PCNX3: variants seen among roughly 807,000 people sequenced by gnomAD.
PCNX3 encodes the protein pecanex 3.
In PCNX3, 58 loss-of-function variants were observed where a neutral mutation model predicts 207.2. That is an observed-to-expected ratio of 0.28 (90% CI 0.23 to 0.35). The LOEUF (loss-of-function observed/expected upper bound fraction) is 0.35, where lower values mean the gene tolerates loss of function less well. PCNX3 is among the 10% of genes least tolerant of loss of function. The pLI, the probability that PCNX3 is intolerant of heterozygous loss-of-function variation, is 1.00. For missense variants in PCNX3, 2,410 were observed against 2,774.4 expected (o/e 0.87, Z 2.95); for synonymous variants, 1,337 against 1,183.5 (o/e 1.13, Z -2.66).
At chr11:65,632,424 G>A (rs570637576) in intron 27 of PCNX3, among the ~76,000 whole-genome samples, 121 of 150,914 alleles carry the variant, frequency 8.0e-4, no homozygotes, top group African/African-American at 2.1e-3. Flanking sequence ...AGCCCCTCCC[G>A]TTAGCTTTGC....
Position 65,620,885 on chromosome 11 carries a change from A to T in PCNX3, c.2154A>T (p.Thr718=). ...SFHSADVPEA[T]GGLNLLQPRP... ...ACTCGGCTGATGTCCCTGAGGCTAC[A>T]GGCGGCCTGAACCTGCTGCAGCCGA... The change falls in exon 10 of 35, where the codon ACA becomes ACT. Residue 718 remains threonine, a synonymous_variant. Transcript: ENST00000355703. 6.3e-7 allele frequency: 1 copy of T among 1,578,040 alleles called. No homozygotes were observed. The highest frequency in any genetic ancestry group is 8.6e-7 in the Non-Finnish European group (1 of 1,162,652).
intron 11 of PCNX3, among the ~76,000 whole-genome samples, chr11:65,622,766 T>C (rs1254546492): frequency 6.6e-6 from 1 of 151,820 alleles, no homozygotes; most frequent in Non-Finnish European, 1.5e-5. Flanking sequence ...TGGCTAATTT[T>C]TGTATTTTTT....
At chr11:65,621,022 C>A (rs1052424820) in intron 10 of PCNX3, 56 bp downstream of exon 10, 2 of 1,484,274 alleles carry the variant, frequency 1.3e-6, no homozygotes, top group African/African-American at 1.4e-5. Context: ...GCGGGCAGAT[C>A]ACTGAGTCCG....
At position 65,618,637 on chromosome 11, in the gene PCNX3, T is replaced by C. The variant is rs777120018; in HGVS notation, c.1275T>C (p.Ser425=). 1.2e-6 allele frequency: 2 copies of C among 1,612,924 alleles called. No homozygotes were observed. The highest frequency in any genetic ancestry group is 1.7e-6 in the Non-Finnish European group (2 of 1,179,832). The change falls in exon 6 of 35, where the codon AGT becomes AGC. Residue 425 remains serine, a synonymous_variant. Transcript: ENST00000355703. ...GCTTCTTTGAGGATGAAGACACTAG[T>C]GAGGGCAGTGAACTGAGCCCGGCCT... The part of the protein sequence containing the change: ...GGGFFEDEDT[S]EGSELSPASS...
chr11:65,622,164 G>T (rs571255222), intron 10 of PCNX3, 81 bp from the exon 11 acceptor site: 266 of 1,507,758 alleles, frequency 1.8e-4, no homozygotes, highest in Non-Finnish European at 2.1e-4. Context: ...TAGACCATGT[G>T]GGGGGTGGCG....
chr11:65,620,015 C>T (rs1000580499), intron 8 of PCNX3, 83 bp downstream of exon 8: 10 of 1,398,038 alleles, frequency 7.2e-6, no homozygotes, highest in African/African-American at 1.4e-5. Flanking sequence ...GGTGCTCGCT[C>T]GGCCCTGTGG....
At chr11:65,633,589 G>A in intron 27 of PCNX3, among the ~76,000 whole-genome samples, 1 of 152,250 alleles carries the variant, frequency 6.6e-6, no homozygotes. Context: ...TCGGGGTTAT[G>A]TTTGTGCAGG....
chr11:65,628,777 T>TGGGGGGGGGGGGGGGGGCCG, intron 23 of PCNX3, 42 bp from the exon 24 acceptor site: 5 of 1,490,262 alleles, frequency 3.4e-6, no homozygotes, highest in East Asian at 5.5e-5. Context: ...GGTGGGGGGC[T>TGGGGGGGGGGGGGGGGGCCG]GGGAGGTCCT....
At position 65,626,890 on chromosome 11, in the gene PCNX3, G is replaced by T. The variant is rs767685558; in HGVS notation, c.3380-14G>T. 3.2e-6 allele frequency: 5 copies of T among 1,578,678 alleles called. No individual in the cohort carries two copies. In the Admixed American group the frequency reaches 5.5e-5, roughly 17 times the overall value. Reference sequence around the variant, plus strand: ...TGTGGAAGCCAGGTGCAGAGTCCTGGCCTCTCCACACAGGTGCCGCCCAGG... The same window carrying T: ...TGTGGAAGCCAGGTGCAGAGTCCTGTCCTCTCCACACAGGTGCCGCCCAGG... On this transcript the variant is annotated splice_polypyrimidine_tract_variant and intron_variant, in intron 20 of 34. Transcript: ENST00000355703.
Position 65,634,306 on chromosome 11 carries a change from T to A in PCNX3, c.4651T>A (p.Cys1551Ser), listed in dbSNP as rs1373450520. Residue 1551 changes from cysteine to serine, a missense_variant, in exon 28 of 35, where the codon TGT becomes AGT. By Grantham distance (112) the Cys-to-Ser change is moderately radical (BLOSUM62 -1). Transcript: ENST00000355703. ...GTCTGGCCTCTCGCTGCCCTCCTTT[T>A]GTGCTGTGCACCTCGAGTGGATCCA... Reference protein sequence around the residue: ...RLSGLSLPSFCAVHLEWIQYC... With the variant: ...RLSGLSLPSFSAVHLEWIQYC... 1.9e-6 allele frequency: 3 copies of A among 1,608,624 alleles called. No individual in the cohort carries two copies. The African/African-American group carries it at 4.0e-5, about 21-fold the overall frequency.
At chr11:65,617,436 T>G (rs1449476309) in intron 3 of PCNX3, 34 bp from the exon 4 acceptor site, 1 of 1,613,878 alleles carries the variant, frequency 6.2e-7, no homozygotes, top group South Asian at 1.1e-5. Context: ...ACTTCTTGCC[T>G]TGTTTGTTCC....
chr11:65,633,952 G>A, intron 27 of PCNX3, 174 bp from the exon 28 acceptor site: 1 of 638,634 alleles, frequency 1.6e-6, no homozygotes, highest in Non-Finnish European at 2.7e-6. Flanking sequence ...CCTGGTCTAG[G>A]GGAAGGAGCC....
intron 22 of PCNX3, 50 bp downstream of exon 22, chr11:65,627,632 G>A (rs371546707): frequency 1.3e-6 from 2 of 1,580,050 alleles, no homozygotes; most frequent in African/African-American, 1.3e-5. Flanking sequence ...TGGGAGCAGA[G>A]CCAACTTCTG....
rs1298979755 is a variant in PCNX3 at position 65,624,702 on chromosome 11, G to A, written c.2827+121G>A. On this transcript the variant is annotated intron_variant, in intron 15 of 34. Transcript: ENST00000355703. ...TCCTGCGTCTGTACTGCAGACTCAA[G>A]GTTTCTGCCTTCTCCCCTCTCCTTC... The A allele has an allele frequency of 9.7e-6, 10 of 1,026,176 alleles. No homozygotes were observed. In the Admixed American group the frequency reaches 2.4e-4, roughly 25 times the overall value. 63.6% of individuals were successfully genotyped at this position (1,026,176 alleles called of 1,614,324 possible). A position where few individuals can be genotyped will look rare whatever the true frequency, so the allele number is the denominator to read the frequency against.
rs550750301 is a variant in PCNX3 at position 65,631,789 on chromosome 11, C to T, written c.4470+1185C>T. ...ACCCTGGTGCTCCCTATGTTGGGCT[C>T]GGTGGGTGGCCTACTGGGGCCCAGG... On this transcript the variant is annotated intron_variant, in intron 27 of 34. Coordinates refer to ENST00000355703, the MANE Select transcript of PCNX3 (RefSeq NM_032223.4). Among the ~76,000 whole-genome samples, 8 of 152,182 alleles carry T rather than the reference C, an allele frequency of 5.3e-5. No homozygotes were observed. In the South Asian group the frequency reaches 8.3e-4, roughly 16 times the overall value.
chr11:65,631,069 C>T (rs1179591289), intron 27 of PCNX3, among the ~76,000 whole-genome samples: 3 of 152,232 alleles, frequency 2.0e-5, no homozygotes, highest in African/African-American at 7.2e-5. Context: ...TGCTATCTCA[C>T]AGATGTGGAA....
chr11:65,628,127 T>G (rs1855477870), intron 22 of PCNX3, among the ~76,000 whole-genome samples: 1 of 152,178 alleles, frequency 6.6e-6, no homozygotes. Context: ...CTTCCTCACG[T>G]GGGCATTCTG....
chr11:65,625,500 G>T lies in PCNX3; in HGVS notation c.3125G>T (p.Arg1042Leu), dbSNP rs566082015. The part of the protein sequence containing the change: ...EPPDPLPDKM[R>L]QSVREVLHSD... ...CCGGACCCCTTGCCGGACAAGATGC[G>T]CCAGTCGGTGGTGAGGGGGCGGGGG... The change falls in exon 18 of 35, where the codon CGC becomes CTC. Residue 1042 changes from arginine to leucine, a missense_variant. By Grantham distance (102) the Arg-to-Leu change is moderately radical (BLOSUM62 -2). Coordinates refer to ENST00000355703, the MANE Select transcript of PCNX3 (RefSeq NM_032223.4). The surrounding 1 kb of genome is among the most constrained non-coding windows in gnomAD (Gnocchi z 5.6). 1 of 1,471,220 alleles carries T rather than the reference G, an allele frequency of 6.8e-7. No homozygotes were observed. The highest frequency in any genetic ancestry group is 1.8e-5 in the Admixed American group (1 of 55,888). The allele number at this position is 1,471,220 out of a possible 1,614,324, so 91.1% of individuals were successfully genotyped here.
chr11:65,635,587 T>C lies in PCNX3; in HGVS notation c.5243T>C (p.Leu1748Pro), dbSNP rs544897944. 6.2e-7 allele frequency: 1 copy of C among 1,612,748 alleles called. No individual in the cohort carries two copies. Among genetic ancestry groups the C allele is most frequent in the Admixed American group, 1.7e-5 (1 of 59,990 alleles). The change falls in exon 32 of 35, where the codon CTG becomes CCG. Residue 1748 changes from leucine to proline, a missense_variant. Transcript: ENST00000355703. The surrounding 1 kb of genome is among the most constrained non-coding windows in gnomAD (Gnocchi z 9.9). ...WAGQQQELVF[L>P]RNRNPERGSI... ...GGGCAGCAGCAGGAGCTGGTGTTCC[T>C]GCGCAACCGCAACCCCGAGCGTGGC...
Sources: allele counts gnomAD v4.1 joint callset (sites outside exome capture counted in the v4.1 genomes callset), GRCh38; gene constraint gnomAD v4.1.1; non-coding constraint Gnocchi (gnomAD v3.1); transcripts MANE v1.5; gene names NCBI Gene and HGNC (gene_info 2026-07-23, HGNC 2026-07-21).